TRAK1: variants seen among roughly 807,000 people sequenced by gnomAD.
TRAK1 encodes the protein trafficking kinesin protein 1.
TRAK1 carries 33 observed loss-of-function variants against 92.1 expected under a neutral mutation model. The observed-to-expected ratio is 0.36, with a 90% CI of 0.27 to 0.48. The LOEUF (loss-of-function observed/expected upper bound fraction) is 0.48, where lower values mean the gene tolerates loss of function less well. Among genes scored for constraint, TRAK1 ranks in the 20% least tolerant of loss-of-function variants. The pLI is 0.99. For missense variants in TRAK1, 1,123 were observed against 1,257.9 expected (o/e 0.89, Z 1.62); for synonymous variants, 521 against 517.3 (o/e 1.01, Z -0.10).
Position 42,176,884 on chromosome 3 carries a change from T to TGAG in TRAK1, c.362_363+1dup. 6.2e-7 allele frequency: 1 copy of TGAG among 1,614,012 alleles called. No individual in the cohort carries two copies. The highest frequency in any genetic ancestry group is 1.3e-5 in the African/African-American group (1 of 75,052). ...ACATAGATGCTGTCACTCGGCTTCT[T>TGAG]GAGGAGGTAAGTGCTCCAGGGGAAG... is the stretch of plus-strand genomic sequence containing the variant. On this transcript the variant is annotated inframe_insertion, in exon 3 of 16. Transcript: ENST00000327628.
intron 1 of TRAK1, among the ~76,000 whole-genome samples, chr3:42,020,334 C>T (rs1701679801): frequency 6.6e-6 from 1 of 152,172 alleles, no homozygotes; most frequent in Non-Finnish European, 1.5e-5. Flanking sequence ...TGTAGATAAC[C>T]ACTCTTGTGA....
intron 7 of TRAK1, among the ~76,000 whole-genome samples, chr3:42,192,731 G>A (rs73831705): frequency 0.055 from 8,403 of 152,274 alleles, 226 homozygotes; most frequent in Middle Eastern, 0.075. Flanking sequence ...GTGGCTAGAT[G>A]CACTCATGTT....
intron 1 of TRAK1, among the ~76,000 whole-genome samples, chr3:42,098,385 G>A (rs11129940): frequency 0.56 from 85,414 of 151,994 alleles, 24,375 homozygotes; most frequent in South Asian, 0.68. Flanking sequence ...GAGGAAGGGA[G>A]GTTGGGCCTG....
At chr3:42,219,786 GTTT>G (rs397989334) in intron 15 of TRAK1, among the ~76,000 whole-genome samples, 190 bp downstream of exon 15, 13,760 of 63,748 alleles carry the variant, frequency 0.22, 2,101 homozygotes, top group African/African-American at 0.43. Flanking sequence ...GTTGTTATGT[GTTT>G]TTTTTTTTTT....
Position 42,100,331 on chromosome 3 carries a change from C to T in TRAK1, c.91+8771C>T, listed in dbSNP as rs116348252. ...ACAGTGCGCCATGATTGTGCCACTGCACTCCAGCCTGGATGACAGAGCAAG... is the reference window on the plus strand; with the variant it reads ...ACAGTGCGCCATGATTGTGCCACTGTACTCCAGCCTGGATGACAGAGCAAG... On this transcript the variant is annotated intron_variant, in intron 1 of 15. Coordinates refer to ENST00000327628, the MANE Select transcript of TRAK1 (RefSeq NM_001042646.3). 2.0e-3 allele frequency among the ~76,000 whole-genome samples: 312 copies of T among 152,290 alleles called. 1 individual carries two copies. Among genetic ancestry groups the T allele is most frequent in the African/African-American group, 7.3e-3 (304 of 41,560 alleles).
intron 1 of TRAK1, among the ~76,000 whole-genome samples, chr3:42,048,359 C>G (rs553228849): frequency 2.2e-3 from 329 of 152,220 alleles, no homozygotes; most frequent in African/African-American, 7.6e-3. Context: ...CAGCATGGCT[C>G]TCAGTTCAAT....
At chr3:42,038,754 C>T (rs139210142) in intron 1 of TRAK1, among the ~76,000 whole-genome samples, 11,371 of 146,570 alleles carry the variant, frequency 0.078, 1,596 homozygotes, top group African/African-American at 0.28. Context: ...CGCCATTGCA[C>T]GCCAGCCTGG....
chr3:42,140,719 C>T (rs1044236297), intron 2 of TRAK1, among the ~76,000 whole-genome samples: 2 of 152,206 alleles, frequency 1.3e-5, no homozygotes, highest in African/African-American at 4.8e-5. Flanking sequence ...GAAGGAAGTC[C>T]TGCTTGTAAG....
chr3:42,033,881 A>T (rs1012537091), intron 1 of TRAK1, among the ~76,000 whole-genome samples: 1 of 152,002 alleles, frequency 6.6e-6, no homozygotes, highest in South Asian at 2.1e-4. Context: ...TTGGCTCAAG[A>T]TCATCTTCCC....
At chr3:42,222,019 C>G (rs903073763) in intron 15 of TRAK1, 2 of 148,030 alleles carry the variant, frequency 1.4e-5, no homozygotes, top group South Asian at 2.1e-4. Flanking sequence ...AAAAAAAGAA[C>G]CTTTCCTGCT....
At chr3:42,174,994 G>T (rs1559875213) in intron 2 of TRAK1, among the ~76,000 whole-genome samples, 1 of 152,120 alleles carries the variant, frequency 6.6e-6, no homozygotes, top group African/African-American at 2.4e-5. Flanking sequence ...ATAATATAGT[G>T]TTAGAGAAAT....
At chr3:42,105,616 C>T (rs1707428507) in intron 1 of TRAK1, among the ~76,000 whole-genome samples, 1 of 152,174 alleles carries the variant, frequency 6.6e-6, no homozygotes, top group African/African-American at 2.4e-5. Flanking sequence ...TCCAGGAGAA[C>T]TTCCCCAACC....
chr3:42,212,511 T>G (rs1436382873), intron 14 of TRAK1: 2 of 984,860 alleles, frequency 2.0e-6, no homozygotes, highest in Non-Finnish European at 2.4e-6. Context: ...AAATGTATTA[T>G]TTGAAGCATC....
chr3:42,201,879 G>C (rs1171347741), intron 12 of TRAK1, among the ~76,000 whole-genome samples: 2,082 of 112,638 alleles, frequency 0.018, 25 homozygotes, highest in Middle Eastern at 0.025. Context: ...CGGACGGACA[G>C]ACGGACACAC....
intron 2 of TRAK1, chr3:42,151,489 A>G: frequency 2.6e-6 from 1 of 389,380 alleles, no homozygotes; most frequent in South Asian, 1.9e-5. Context: ...ATGTATGTTG[A>G]GCAAAATACT....
At chr3:42,127,509 A>G (rs1489089982) in intron 2 of TRAK1, among the ~76,000 whole-genome samples, 1 of 151,794 alleles carries the variant, frequency 6.6e-6, no homozygotes, top group Non-Finnish European at 1.5e-5. Context: ...TGTACCACGT[A>G]CCACCACGCT....
chr3:42,080,177 G>A (rs1704364501), intron 1 of TRAK1, among the ~76,000 whole-genome samples: 1 of 152,152 alleles, frequency 6.6e-6, no homozygotes, highest in African/African-American at 2.4e-5. Flanking sequence ...AAAATATTAG[G>A]AACTTGCACA....
At position 42,223,181 on chromosome 3, in the gene TRAK1, A is replaced by T; in HGVS notation, c.2306A>T (p.His769Leu). ...WDRAGRGSLL[H>L]SYTPKMAVIP... ...AGGGCCGGCCGGGGCTCCCTCCTGC[A>T]CTCCTACACGCCCAAGATGGCTGTG... is the stretch of plus-strand genomic sequence containing the variant. The change falls in exon 16 of 16, where the codon CAC (histidine) becomes CTC (leucine). Residue 769 changes from histidine to leucine, a missense_variant. Transcript: ENST00000327628. The surrounding 1 kb of genome is among the most constrained non-coding windows in gnomAD (Gnocchi z 6.1). 2 of 1,613,500 alleles carry T rather than the reference A, an allele frequency of 1.2e-6. No homozygotes were observed. Among genetic ancestry groups the T allele is most frequent in the South Asian group, 2.2e-5 (2 of 91,022 alleles).
At chr3:42,061,054 C>G (rs1576211244) in intron 1 of TRAK1, among the ~76,000 whole-genome samples, 1 of 152,184 alleles carries the variant, frequency 6.6e-6, no homozygotes, top group African/African-American at 2.4e-5. Context: ...CTGTGAAAAC[C>G]TAAATGGTAT....
Sources: gnomAD v4.1 joint callset for allele counts (sites outside exome capture counted in the v4.1 genomes callset) on GRCh38, gnomAD v4.1.1 for gene constraint, Gnocchi (gnomAD v3.1) non-coding constraint, MANE v1.5 for transcripts, NCBI Gene and HGNC (gene_info 2026-07-23, HGNC 2026-07-21) for gene names.